The following LIN52 variants were observed in gnomAD, a reference collection of about 807,000 sequenced individuals.
The protein encoded by LIN52 is protein lin-52 homolog.
LIN52 carries 4 observed loss-of-function variants against 18.5 expected under a neutral mutation model. That is an observed-to-expected ratio of 0.22 (90% CI 0.11 to 0.49). The LOEUF (loss-of-function observed/expected upper bound fraction) is 0.49, where lower values mean the gene tolerates loss of function less well. LIN52 is among the 20% of genes least tolerant of loss of function. The probability of loss-of-function intolerance (pLI) is 0.97; values close to 1 mark genes in which losing one functional copy is unlikely to be tolerated. For synonymous variants in LIN52, 34 were observed against 45.5 expected (o/e 0.75, Z 1.02); for missense variants, 102 against 139.5 (o/e 0.73, Z 1.35).
At chr14:74,101,460 CTTTT>C (rs200423163) in intron 5 of LIN52, among the ~76,000 whole-genome samples, 2 of 138,828 alleles carry the variant, frequency 1.4e-5, no homozygotes, top group African/African-American at 2.7e-5. Flanking sequence ...AATGATTTTT[CTTTT>C]TTTTTTTTTT....
chr14:74,150,998 T>A (rs190565486), intron 5 of LIN52, among the ~76,000 whole-genome samples: 1 of 152,360 alleles, frequency 6.6e-6, no homozygotes, highest in East Asian at 1.9e-4. Flanking sequence ...GCTATGAATG[T>A]ACACAACCTT....
intron 5 of LIN52, among the ~76,000 whole-genome samples, chr14:74,177,480 AAT>A (rs34353375): frequency 0.11 from 16,950 of 152,170 alleles, 1,229 homozygotes; most frequent in Admixed American, 0.19. Context: ...CAATGGTCCA[AAT>A]ACATTTTACT....
chr14:74,129,388 G>C (rs1362150067), intron 5 of LIN52, among the ~76,000 whole-genome samples: 1 of 152,222 alleles, frequency 6.6e-6, no homozygotes, highest in East Asian at 1.9e-4. Context: ...GGGTTTGAAG[G>C]CATAGCACTT....
chr14:74,195,896 C>A (rs1222013125), intron 5 of LIN52, among the ~76,000 whole-genome samples: 1 of 152,138 alleles, frequency 6.6e-6, no homozygotes, highest in Non-Finnish European at 1.5e-5. Context: ...ATGTTAACAT[C>A]TCTGATGACA....
chr14:74,117,300 G>A lies in LIN52; in HGVS notation c.283+16062G>A, dbSNP rs573133778. ...TGGCCAAAGAAGCATATTTTCTTAAGCAAATGTTGGCCAAGATGTTACTTT... is the reference window on the plus strand; with the variant it reads ...TGGCCAAAGAAGCATATTTTCTTAAACAAATGTTGGCCAAGATGTTACTTT... On this transcript the variant is annotated intron_variant, in intron 5 of 5. Transcript: ENST00000555028. 3.9e-5 allele frequency among the ~76,000 whole-genome samples: 6 copies of A among 152,312 alleles called. No individual in the cohort carries two copies. The South Asian group carries it at 1.2e-3, about 32-fold the overall frequency.
rs2078932394 is a variant in LIN52 at position 74,199,157 on chromosome 14, T to A, written c.*180T>A. On this transcript the variant is annotated 3_prime_UTR_variant, in exon 6 of 6. Transcript: ENST00000555028. ...AGGACATTCAGCAGCAAGAGAAGAA[T>A]CTGCTCTACCCAAGGATCATTGCAG... 1.9e-6 allele frequency: 1 copy of A among 537,644 alleles called. No individual in the cohort carries two copies. Among genetic ancestry groups the A allele is most frequent in the Non-Finnish European group, 3.3e-6 (1 of 303,290 alleles). 33.3% of individuals were successfully genotyped at this position (537,644 alleles called of 1,614,324 possible).
Position 74,163,268 on chromosome 14 carries a change from C to T in LIN52, c.284-35654C>T, listed in dbSNP as rs543202763. ...GCTAATTTTTGTATTTTTGTAGAGA[C>T]GGGGTTTCACCATATTGCCCGGGCT... On this transcript the variant is annotated intron_variant, in intron 5 of 5. Transcript: ENST00000555028. Among the ~76,000 whole-genome samples, 31 of 151,942 alleles carry T rather than the reference C, an allele frequency of 2.0e-4. No individual in the cohort carries two copies. In the East Asian group the frequency reaches 5.0e-3, roughly 25 times the overall value.
chr14:74,092,505 C>T (rs1368124240), intron 2 of LIN52, among the ~76,000 whole-genome samples: 1 of 150,766 alleles, frequency 6.6e-6, no homozygotes, highest in Non-Finnish European at 1.5e-5. Context: ...AGGGTTTTGC[C>T]ATGTTGGCCA....
intron 1 of LIN52, among the ~76,000 whole-genome samples, chr14:74,090,018 CTTTT>C (rs34660535): frequency 7.9e-6 from 1 of 125,856 alleles, no homozygotes; most frequent in Admixed American, 8.3e-5. Flanking sequence ...ACAGTGCACT[CTTTT>C]TTTTTTTTTT....
At chr14:74,141,350 A>G (rs1342832823) in intron 5 of LIN52, among the ~76,000 whole-genome samples, 1 of 152,182 alleles carries the variant, frequency 6.6e-6, no homozygotes, top group Non-Finnish European at 1.5e-5. Flanking sequence ...CTTTGACCCC[A>G]CAACATGTCT....
intron 5 of LIN52, among the ~76,000 whole-genome samples, chr14:74,117,569 T>G (rs1219234470): frequency 1.3e-5 from 2 of 152,202 alleles, no homozygotes; most frequent in African/African-American, 4.8e-5. Flanking sequence ...GAGTTCAGTT[T>G]CTTTCCAGGC....
intron 5 of LIN52, among the ~76,000 whole-genome samples, chr14:74,112,122 C>T (rs562604132): frequency 5.3e-5 from 8 of 152,198 alleles, no homozygotes; most frequent in South Asian, 4.2e-4. Context: ...TCAGGTGATC[C>T]GCCCACCTCG....
chr14:74,162,518 C>T (rs888240788), intron 5 of LIN52, among the ~76,000 whole-genome samples: 1 of 148,528 alleles, frequency 6.7e-6, no homozygotes, highest in Non-Finnish European at 1.5e-5. Flanking sequence ...ACCCTCTTAG[C>T]CACATTGAAT....
intron 5 of LIN52, among the ~76,000 whole-genome samples, chr14:74,198,412 T>A (rs2078927878): frequency 6.6e-6 from 1 of 152,168 alleles, no homozygotes; most frequent in Non-Finnish European, 1.5e-5. Context: ...CATCCACAGA[T>A]GAACTGCACT....
rs145483649 is a variant in LIN52, at chr14:74,132,798, C to T, written c.283+31560C>T. Among the ~76,000 whole-genome samples the T allele has an allele frequency of 3.7e-3, 557 of 152,284 alleles. 4 individuals carry two copies. The highest frequency in any genetic ancestry group is 0.013 in the African/African-American group (520 of 41,570). On this transcript the variant is annotated intron_variant, in intron 5 of 5. Transcript: ENST00000555028. ...CTGGGATTACAGGCGTGAGCCACCG[C>T]GCCCAGCCATGACCTAAGTTTTTTA... is the stretch of plus-strand genomic sequence containing the variant.
intron 2 of LIN52, among the ~76,000 whole-genome samples, chr14:74,093,521 T>G (rs2060787223): frequency 6.6e-6 from 1 of 151,530 alleles, no homozygotes; most frequent in South Asian, 2.1e-4. Flanking sequence ...AGAAGAGGCT[T>G]CACCATGTTG....
At chr14:74,114,399 A>G (rs1015246721) in intron 5 of LIN52, 1 of 985,414 alleles carries the variant, frequency 1.0e-6, no homozygotes, top group Non-Finnish European at 1.2e-6. Context: ...AGGGTGAAGG[A>G]TTGAGAGCTT....
At chr14:74,197,796 A>G (rs1382145754) in intron 5 of LIN52, among the ~76,000 whole-genome samples, 2 of 152,254 alleles carry the variant, frequency 1.3e-5, no homozygotes, top group Non-Finnish European at 2.9e-5. Flanking sequence ...TTCATTGTAC[A>G]AGAAAACAAG....
intron 5 of LIN52, among the ~76,000 whole-genome samples, chr14:74,147,339 A>C (rs547361056): frequency 6.6e-6 from 1 of 152,344 alleles, no homozygotes. Context: ...AAATTAACTC[A>C]AAATGGATCA....
Sources: gnomAD v4.1 joint callset for allele counts (sites outside exome capture counted in the v4.1 genomes callset) on GRCh38, gnomAD v4.1.1 for gene constraint, MANE v1.5 for transcripts, NCBI Gene and HGNC (gene_info 2026-07-23, HGNC 2026-07-21) for gene names.